SORCS1: variants seen among roughly 807,000 people sequenced by gnomAD.
The protein encoded by SORCS1 is VPS10 domain-containing receptor SorCS1.
Under a neutral mutation model 146.1 loss-of-function variants are expected in SORCS1, and 60 were observed. The observed-to-expected ratio is 0.41, with a 90% CI of 0.33 to 0.51. The LOEUF (loss-of-function observed/expected upper bound fraction) is 0.51. Ranked by LOEUF, SORCS1 falls within the 20% of genes least tolerant of loss-of-function variation. SORCS1 has a pLI of 0.21. For missense variants in SORCS1, 1,352 were observed against 1,487.6 expected (o/e 0.91, Z 1.50); for synonymous variants, 637 against 584.0 (o/e 1.09, Z -1.31).
chr10:107,163,607 G>T (rs955633119), intron 1 of SORCS1, among the ~76,000 whole-genome samples: 1 of 152,226 alleles, frequency 6.6e-6, no homozygotes, highest in Non-Finnish European at 1.5e-5. Context: ...CACTTGAGGG[G>T]ATGTCAGCTT....
chr10:107,123,314 C>G (rs552353243), intron 1 of SORCS1, among the ~76,000 whole-genome samples: 1 of 151,990 alleles, frequency 6.6e-6, no homozygotes, highest in Non-Finnish European at 1.5e-5. Flanking sequence ...TGTAATAAAG[C>G]AATATAGAAG....
At chr10:107,172,567 T>G in the SORCS1 span, among the ~76,000 whole-genome samples, 3 of 152,248 alleles carry the variant, frequency 2.0e-5, no homozygotes, top group African/African-American at 7.2e-5. Context: ...TCCATTAGAC[T>G]GCAAACTCCT....
intron 5 of SORCS1, among the ~76,000 whole-genome samples, chr10:106,739,717 C>T (rs188697320): frequency 0.011 from 1,689 of 151,726 alleles, 17 homozygotes; most frequent in Middle Eastern, 0.02. Flanking sequence ...TTTGGGAGGC[C>T]GAGTCGGGCA....
chr10:106,946,609 A>C (rs1954359391), intron 2 of SORCS1, among the ~76,000 whole-genome samples: 1 of 152,262 alleles, frequency 6.6e-6, no homozygotes, highest in Admixed American at 6.5e-5. Flanking sequence ...CTGTGAGTCA[A>C]TTAAACCTCT....
intron 1 of SORCS1, among the ~76,000 whole-genome samples, chr10:107,161,963 T>C (rs1399334854): frequency 1.3e-5 from 2 of 152,202 alleles, no homozygotes; most frequent in Non-Finnish European, 2.9e-5. Context: ...TTAACATGAT[T>C]TGAGTGATCA....
chr10:107,167,870 A>G (rs1970089430), upstream of SORCS1, among the ~76,000 whole-genome samples: 1 of 152,148 alleles, frequency 6.6e-6, no homozygotes. Flanking sequence ...GCAGAAAGAC[A>G]AAGAATATGA....
rs138311101 is a variant in SORCS1, at chr10:106,972,336, G to A, written c.559-15756C>T. ...GCAGAGGTTGCAGTGAGCTGTGATC[G>A]CACCACTACACTCCAGCCTGGGTGA... On this transcript the variant is annotated intron_variant, in intron 1 of 25. Coordinates refer to ENST00000263054, the MANE Select transcript of SORCS1 (RefSeq NM_052918.5). Among the ~76,000 whole-genome samples the A allele has an allele frequency of 5.4e-3, 775 of 143,364 alleles. 11 individuals are homozygous for A. Among genetic ancestry groups the A allele is most frequent in the Middle Eastern group, 0.024 (6 of 254 alleles). 94.1% of individuals were successfully genotyped at this position (143,364 alleles called of 152,430 possible). A position where few individuals can be genotyped will look rare whatever the true frequency, so the allele number is the denominator to read the frequency against.
intron 3 of SORCS1, among the ~76,000 whole-genome samples, chr10:106,823,109 C>G (rs1429211711): frequency 1.3e-5 from 2 of 152,024 alleles, no homozygotes; most frequent in African/African-American, 2.4e-5. Context: ...AAACATACAT[C>G]CTTGTTAAAA....
intron 6 of SORCS1, among the ~76,000 whole-genome samples, chr10:106,728,063 G>A (rs2135994493): frequency 6.6e-6 from 1 of 151,274 alleles, no homozygotes; most frequent in South Asian, 2.1e-4. Context: ...GACGGAGTCT[G>A]GCTCTGTCGC....
chr10:107,004,394 A>G (rs1002738613), intron 1 of SORCS1, among the ~76,000 whole-genome samples: 16 of 152,284 alleles, frequency 1.1e-4, no homozygotes, highest in African/African-American at 3.9e-4. Flanking sequence ...TCACAGTTCC[A>G]CATGGTGGAG....
chr10:106,694,760 C>T (rs868165148), intron 9 of SORCS1, among the ~76,000 whole-genome samples: 14 of 152,186 alleles, frequency 9.2e-5, no homozygotes, highest in African/African-American at 3.4e-4. Flanking sequence ...TGGTCACTGG[C>T]TGTCCTTCAT....
intron 9 of SORCS1, among the ~76,000 whole-genome samples, chr10:106,691,302 T>G (rs1391550628): frequency 6.6e-6 from 1 of 152,186 alleles, no homozygotes; most frequent in Non-Finnish European, 1.5e-5. Flanking sequence ...TACATCCCAC[T>G]GTTGGAAGTC....
intron 1 of SORCS1, among the ~76,000 whole-genome samples, chr10:107,055,466 T>C (rs1348675051): frequency 6.6e-6 from 1 of 152,196 alleles, no homozygotes; most frequent in African/African-American, 2.4e-5. Context: ...TACAGAAAGA[T>C]AATTTTAAAA....
At chr10:106,975,512 A>C (rs193111506) in intron 1 of SORCS1, among the ~76,000 whole-genome samples, 41 of 152,322 alleles carry the variant, frequency 2.7e-4, no homozygotes, top group African/African-American at 7.5e-4. Flanking sequence ...CTAACTATTG[A>C]AGGTTTACTA....
intron 1 of SORCS1, among the ~76,000 whole-genome samples, chr10:106,976,641 A>T (rs1030279108): frequency 2.6e-5 from 4 of 152,018 alleles, no homozygotes; most frequent in Admixed American, 6.6e-5. Context: ...GCCATCATCT[A>T]GGTTTTAAGC....
chr10:106,723,391 C>T (rs182209232), intron 6 of SORCS1, among the ~76,000 whole-genome samples: 327 of 67,870 alleles, frequency 4.8e-3, no homozygotes, highest in East Asian at 0.016. Flanking sequence ...TGGGCTCCTA[C>T]GATGCACACA....
At chr10:106,652,995 A>G (rs1170990651) in intron 17 of SORCS1, among the ~76,000 whole-genome samples, 4 of 152,220 alleles carry the variant, frequency 2.6e-5, no homozygotes, top group Admixed American at 1.3e-4. Context: ...TATGATAGAT[A>G]TATGACTCAA....
intron 2 of SORCS1, among the ~76,000 whole-genome samples, chr10:106,913,747 TA>T (rs1293157027): frequency 6.6e-6 from 1 of 152,206 alleles, no homozygotes; most frequent in Non-Finnish European, 1.5e-5. Context: ...ATTTTTCCTG[TA>T]AATGCTGAAG....
intron 1 of SORCS1, among the ~76,000 whole-genome samples, chr10:107,069,722 T>C (rs567203150): frequency 1.8e-4 from 28 of 152,228 alleles, no homozygotes; most frequent in Admixed American, 4.6e-4. Flanking sequence ...TAAATTCGTT[T>C]TTGTTTGAAA....
Sources: gnomAD v4.1 joint callset for allele counts (sites outside exome capture counted in the v4.1 genomes callset) on GRCh38, gnomAD v4.1.1 for gene constraint, MANE v1.5 for transcripts, NCBI Gene and HGNC (gene_info 2026-07-23, HGNC 2026-07-21) for gene names.